The following RAB8A variants were observed in gnomAD, a reference collection of about 807,000 sequenced individuals.
RAB8A encodes the protein RAB8A, member RAS oncogene family.
A neutral mutation model predicts 29.2 loss-of-function variants in RAB8A; 5 were observed. That is an observed-to-expected ratio of 0.17 (90% CI 0.09 to 0.36). The LOEUF (loss-of-function observed/expected upper bound fraction) is 0.36, where lower values mean the gene tolerates loss of function less well. RAB8A is among the 10% of genes least tolerant of loss of function. The pLI, the probability that RAB8A is intolerant of heterozygous loss-of-function variation, is 1.00. For missense variants in RAB8A, 171 were observed against 272.2 expected (o/e 0.63, Z 2.62); for synonymous variants, 108 against 99.9 (o/e 1.08, Z -0.49).
chr19:16,114,286 TAAAAG>T (rs1047630569), intron 1 of RAB8A, among the ~76,000 whole-genome samples: 5 of 150,226 alleles, frequency 3.3e-5, no homozygotes, highest in African/African-American at 9.8e-5. Context: ...ATAATAAAAA[TAAAAG>T]AAAGAAAGAA....
chr19:16,116,967 A>C (rs1329600634), intron 1 of RAB8A, among the ~76,000 whole-genome samples: 1 of 151,606 alleles, frequency 6.6e-6, no homozygotes, highest in Non-Finnish European at 1.5e-5. Context: ...ACTGCTAATC[A>C]GCTTTCTGTT....
At chr19:16,114,093 C>A (rs1301924368) in intron 1 of RAB8A, among the ~76,000 whole-genome samples, 2 of 151,828 alleles carry the variant, frequency 1.3e-5, no homozygotes, top group Admixed American at 1.3e-4. Flanking sequence ...CATGGCAAAC[C>A]CCATCTCTAC....
At position 16,112,038 on chromosome 19, in the gene RAB8A, G is replaced by C. The variant is rs1434968025; in HGVS notation, c.124+13G>C. 1.9e-6 allele frequency: 3 copies of C among 1,613,328 alleles called. No individual in the cohort carries two copies. The highest frequency in any genetic ancestry group is 3.3e-5 in the Admixed American group (2 of 59,992). ...ATCTCCACCATAGGTAACGGGACCGGGGAATGGCTGGGGGCGCCGGAGGCC... is the reference window on the plus strand; with the variant it reads ...ATCTCCACCATAGGTAACGGGACCGCGGAATGGCTGGGGGCGCCGGAGGCC... On this transcript the variant is annotated intron_variant, in intron 1 of 7. Transcript: ENST00000300935.
At chr19:16,115,528 C>A (rs1255292382) in intron 1 of RAB8A, among the ~76,000 whole-genome samples, 3 of 152,150 alleles carry the variant, frequency 2.0e-5, no homozygotes, top group Non-Finnish European at 4.4e-5. Flanking sequence ...CCTCAGGGGC[C>A]CATTGATTCC....
At chr19:16,118,052 A>G (rs548590625) in intron 1 of RAB8A, among the ~76,000 whole-genome samples, 174 bp from the exon 2 acceptor site, 3 of 152,242 alleles carry the variant, frequency 2.0e-5, no homozygotes, top group African/African-American at 4.8e-5. Flanking sequence ...TGGAGAGGGA[A>G]AATATCTCCA....
chr19:16,123,419 C>G (rs2090883456), intron 3 of RAB8A, among the ~76,000 whole-genome samples: 1 of 152,088 alleles, frequency 6.6e-6, no homozygotes, highest in African/African-American at 2.4e-5. Context: ...ACCAGCCTGG[C>G]CACATGGTAA....
intron 2 of RAB8A, among the ~76,000 whole-genome samples, chr19:16,120,922 C>CTTT (rs59556140): frequency 2.1e-5 from 3 of 142,522 alleles, no homozygotes; most frequent in African/African-American, 5.2e-5. Context: ...GTTAGGTTAC[C>CTTT]TTTTTTTTTT....
intron 1 of RAB8A, among the ~76,000 whole-genome samples, chr19:16,116,775 C>T (rs1224235022): frequency 6.6e-6 from 1 of 151,616 alleles, no homozygotes; most frequent in Non-Finnish European, 1.5e-5. Flanking sequence ...GCAGAGGTTG[C>T]AGTGAGCCAA....
At chr19:16,112,231 A>G in intron 1 of RAB8A, 2 of 659,342 alleles carry the variant, frequency 3.0e-6, no homozygotes, top group Non-Finnish European at 5.0e-6. Context: ...CATTTTGCAG[A>G]TAGGGAGACT....
chr19:16,133,089 G>A lies in RAB8A; in HGVS notation c.*785G>A, dbSNP rs2090935990. ...CGTCACATGGTCCTCCTGAAGTTGG[G>A]GCACCCTCCTCTCAGCACCAAAATG... On this transcript the variant is annotated 3_prime_UTR_variant, in exon 8 of 8. Coordinates refer to ENST00000300935, the MANE Select transcript of RAB8A (RefSeq NM_005370.5). The A allele has an allele frequency of 6.6e-6, 1 of 152,324 alleles. No homozygotes were observed. The highest frequency in any genetic ancestry group is 1.9e-4 in the East Asian group (1 of 5,190). 9.4% of individuals were successfully genotyped at this position (152,324 alleles called of 1,614,324 possible). A position where few individuals can be genotyped will look rare whatever the true frequency, so the allele number is the denominator to read the frequency against.
chr19:16,125,556 C>T lies in RAB8A; in HGVS notation c.324+9C>T, dbSNP rs1337511425. 2 of 1,608,102 alleles carry T rather than the reference C, an allele frequency of 1.2e-6. No individual in the cohort carries two copies. Among genetic ancestry groups the T allele is most frequent in the Non-Finnish European group, 1.7e-6 (2 of 1,175,100 alleles). On this transcript the variant is annotated intron_variant, in intron 4 of 7. Coordinates refer to ENST00000300935, the MANE Select transcript of RAB8A (RefSeq NM_005370.5). The surrounding 1 kb of genome is among the most constrained non-coding windows in gnomAD (Gnocchi z 5.0). ...TTCGCAACATTGAGGAGGTGAGGCC[C>T]TCCGGCTCCTCCCACTGTCCCTGCT...
At chr19:16,118,733 G>C (rs2090858413) in intron 2 of RAB8A, among the ~76,000 whole-genome samples, 1 of 152,096 alleles carries the variant, frequency 6.6e-6, no homozygotes, top group Non-Finnish European at 1.5e-5. Flanking sequence ...TTTCTCCCCT[G>C]GGGCAGGCCT....
chr19:16,127,309 C>T lies in RAB8A; in HGVS notation c.325-128C>T, dbSNP rs1182513002. 1 of 499,062 alleles carries T rather than the reference C, an allele frequency of 2.0e-6. No homozygotes were observed. The highest frequency in any genetic ancestry group is 3.3e-6 in the Non-Finnish European group (1 of 303,512). The allele number at this position is 499,062 out of a possible 1,614,324, so 30.9% of individuals were successfully genotyped here. On this transcript the variant is annotated intron_variant, in intron 4 of 7. Coordinates refer to ENST00000300935, the MANE Select transcript of RAB8A (RefSeq NM_005370.5). This position sits in a 1 kb window ranked among gnomAD's most constrained non-coding sequence, Gnocchi z 4.8. ...GGCCTCTCTGAGCTTCAGCTTGTCCCTTAGACCAGGCTGTACCTAGCAGTC... is the reference window on the plus strand; with the variant it reads ...GGCCTCTCTGAGCTTCAGCTTGTCCTTTAGACCAGGCTGTACCTAGCAGTC...
At chr19:16,120,136 A>T (rs766087618) in intron 2 of RAB8A, among the ~76,000 whole-genome samples, 15 of 152,022 alleles carry the variant, frequency 9.9e-5, no homozygotes, top group Non-Finnish European at 1.5e-4. Context: ...TTAACCACTC[A>T]TGTCTCCTGC....
Position 16,125,950 on chromosome 19 carries a change from G to C in RAB8A, c.324+403G>C, listed in dbSNP as rs1454514730. 3 of 337,930 alleles carry C rather than the reference G, an allele frequency of 8.9e-6. 1 individual carries two copies. The highest frequency in any genetic ancestry group is 3.8e-5 in the Admixed American group (1 of 26,554). The allele number at this position is 337,930 out of a possible 1,614,324, so 20.9% of individuals were successfully genotyped here. Reference sequence around the variant, plus strand: ...TGTACTTTGAGCTATATCGGAGCAGGGTGTGACCTGGTACAAACGACCTGT... The same window carrying C: ...TGTACTTTGAGCTATATCGGAGCAGCGTGTGACCTGGTACAAACGACCTGT... On this transcript the variant is annotated intron_variant, in intron 4 of 7. Transcript: ENST00000300935. The surrounding 1 kb of genome is among the most constrained non-coding windows in gnomAD (Gnocchi z 5.0).
In RAB8A at chr19:16,125,319, C is replaced by T. The variant is rs951522931; in HGVS notation, c.247-151C>T. ...GGATGGAGAGGAGGGGGCTGGCTTC[C>T]GGGGCTCCACAGAGGTGGGGAGGGC... On this transcript the variant is annotated intron_variant, in intron 3 of 7. Transcript: ENST00000300935. This position sits in a 1 kb window ranked among gnomAD's most constrained non-coding sequence, Gnocchi z 5.0. 27 of 666,588 alleles carry T rather than the reference C, an allele frequency of 4.1e-5. No individual in the cohort carries two copies. Among genetic ancestry groups the T allele is most frequent in the Admixed American group, 2.1e-4 (9 of 42,044 alleles). The allele number at this position is 666,588 out of a possible 1,614,324, so 41.3% of individuals were successfully genotyped here. A position where few individuals can be genotyped will look rare whatever the true frequency, so the allele number is the denominator to read the frequency against.
At chr19:16,130,332 T>C (rs2090919870) in intron 7 of RAB8A, among the ~76,000 whole-genome samples, 1 of 152,138 alleles carries the variant, frequency 6.6e-6, no homozygotes, top group East Asian at 1.9e-4. Flanking sequence ...CATGTTACAT[T>C]GGTTGTCCAA....
chr19:16,113,460 G>A (rs189593372), intron 1 of RAB8A, among the ~76,000 whole-genome samples: 76 of 152,168 alleles, frequency 5.0e-4, no homozygotes, highest in African/African-American at 1.7e-3. Flanking sequence ...GGAATCCAGC[G>A]GCAGGATCTC....
intron 1 of RAB8A, among the ~76,000 whole-genome samples, chr19:16,117,829 G>T (rs571940143): frequency 6.6e-6 from 1 of 152,176 alleles, no homozygotes; most frequent in Non-Finnish European, 1.5e-5. Context: ...GTGCATTGAC[G>T]CATGGTGGGG....
Sources: gnomAD v4.1 joint callset for allele counts (sites outside exome capture counted in the v4.1 genomes callset) on GRCh38, gnomAD v4.1.1 for gene constraint, Gnocchi (gnomAD v3.1) non-coding constraint, MANE v1.5 for transcripts, NCBI Gene and HGNC (gene_info 2026-07-23, HGNC 2026-07-21) for gene names.